ERI1: variants seen among roughly 807,000 people sequenced by gnomAD.
The protein encoded by ERI1 is exoribonuclease 1.
In ERI1, 39 loss-of-function variants were observed where a neutral mutation model predicts 39.7. That is an observed-to-expected ratio of 0.98 (90% CI 0.76 to 1.28). The LOEUF is 1.28. Among genes scored for constraint, ERI1 ranks in the 50% most tolerant of loss-of-function variants. The pLI, the probability that ERI1 is intolerant of heterozygous loss-of-function variation, is 0.00. For missense variants in ERI1, 581 were observed against 416.9 expected, an observed-to-expected ratio of 1.39 and a Z score of -3.43; for synonymous variants, 204 against 149.6, an observed-to-expected ratio of 1.36 and a Z score of -2.65.
At chr8:9,035,117 T>A (rs891543714), downstream of ERI1, among the ~76,000 whole-genome samples, 4 of 152,212 alleles carry the variant, frequency 2.6e-5, no homozygotes, top group Non-Finnish European at 1.5e-5. Context: ...AGAAAGAAGC[T>A]GTCTCCATAA....
At chr8:9,042,004 G>T (rs962856054) in intron 3 of ERI1, among the ~76,000 whole-genome samples, 1 of 152,186 alleles carries the variant, frequency 6.6e-6, no homozygotes, top group Non-Finnish European at 1.5e-5. Context: ...AAAGTGCTGG[G>T]ATTATAGGCA....
chr8:9,095,966 T>C (rs1359263887), intron 3 of ERI1, among the ~76,000 whole-genome samples: 1 of 152,246 alleles, frequency 6.6e-6, no homozygotes, highest in Admixed American at 6.5e-5. Flanking sequence ...ATCTGGAATA[T>C]AGAAATCATA....
intron 3 of ERI1, among the ~76,000 whole-genome samples, chr8:9,086,424 C>A (rs1009962051): frequency 3.3e-5 from 5 of 152,230 alleles, no homozygotes; most frequent in South Asian, 4.1e-4. Context: ...GTGATGTGCA[C>A]ATGTAGTCCC....
intron 3 of ERI1, among the ~76,000 whole-genome samples, chr8:9,070,229 G>A (rs1799005293): frequency 1.3e-5 from 2 of 150,894 alleles, no homozygotes; most frequent in South Asian, 4.2e-4. Context: ...AGAGTGAGAC[G>A]CTGTCTCAAA....
chr8:9,029,771 A>C, intron 6 of ERI1, 21 bp from the exon 7 acceptor site: 1 of 1,613,710 alleles, frequency 6.2e-7, no homozygotes, highest in Non-Finnish European at 8.5e-7. Context: ...AGAATTATTT[A>C]CTAAGCTGTT....
chr8:9,099,207 A>C (rs1251503363), intron 3 of ERI1, among the ~76,000 whole-genome samples: 5 of 152,248 alleles, frequency 3.3e-5, no homozygotes, highest in African/African-American at 1.2e-4. Flanking sequence ...ATATCCATCC[A>C]ACCAACAAAG....
chr8:9,047,988 A>G (rs529496127), intron 3 of ERI1, among the ~76,000 whole-genome samples: 1 of 152,222 alleles, frequency 6.6e-6, no homozygotes, highest in Non-Finnish European at 1.5e-5. Flanking sequence ...TGAGGAAATG[A>G]AAGTCAACTC....
chr8:9,035,335 GGCTTCAAA>G (rs200524302), downstream of ERI1, among the ~76,000 whole-genome samples: 1,561 of 152,296 alleles, frequency 0.01, 41 homozygotes, highest in Admixed American at 0.06. Flanking sequence ...GTCAGTGCTT[GGCTTCAAA>G]GCTTCAAAGG....
chr8:9,064,245 GGGGGT>G (rs1798796234), intron 3 of ERI1, among the ~76,000 whole-genome samples: 1 of 1,566 alleles, frequency 6.4e-4, no homozygotes, highest in Non-Finnish European at 1.6e-3. Flanking sequence ...GGGGGGTTGG[GGGGGT>G]TTCTTGCCCC....
chr8:9,011,002 C>G (rs1427591021), intron 2 of ERI1, among the ~76,000 whole-genome samples: 1 of 152,136 alleles, frequency 6.6e-6, no homozygotes, highest in Non-Finnish European at 1.5e-5. Context: ...AAGTAGCCAA[C>G]AGACATTCAC....
chr8:9,088,033 A>G (rs561814209), intron 3 of ERI1, among the ~76,000 whole-genome samples: 2 of 152,300 alleles, frequency 1.3e-5, no homozygotes, highest in African/African-American at 4.8e-5. Context: ...ACAGAGCTAC[A>G]TGTGTGACTC....
Position 9,018,249 on chromosome 8 carries a change from G to A in ERI1, c.583-48G>A, listed in dbSNP as rs180956781. On this transcript the variant is annotated intron_variant, in intron 4 of 6. Coordinates refer to ENST00000250263, the MANE Select transcript of ERI1 (RefSeq NM_153332.4). ...AGGTCTGGGTATTTTGTAGGTCTAC[G>A]TGAAGCTGCAGCCCTGATTTTTGTA... 2.4e-5 allele frequency: 27 copies of A among 1,104,248 alleles called. No individual in the cohort carries two copies. The East Asian group carries it at 5.0e-4, about 20-fold the overall frequency. 68.4% of individuals were successfully genotyped at this position (1,104,248 alleles called of 1,614,324 possible). A position where few individuals can be genotyped will look rare whatever the true frequency, so the allele number is the denominator to read the frequency against.
Position 9,068,940 on chromosome 8 carries a change from C to T in ERI1, n.300-47408C>T, listed in dbSNP as rs190728241. Among the ~76,000 whole-genome samples the T allele has an allele frequency of 2.4e-3, 360 of 152,258 alleles. 4 individuals carry two copies. Among genetic ancestry groups the T allele is most frequent in the African/African-American group, 7.3e-3 (302 of 41,546 alleles). On this transcript the variant is annotated intron_variant and non_coding_transcript_variant, in intron 3 of 3. Transcript: ENST00000518663. ...CAAGCAATCCTCTTGCCTCAGCCCT[C>T]CCTAGTAGCTGGGACTACAGGTGTG...
chr8:9,022,127 T>C (rs1817975058), intron 6 of ERI1, among the ~76,000 whole-genome samples: 2 of 152,134 alleles, frequency 1.3e-5, no homozygotes, highest in African/African-American at 4.8e-5. Context: ...CTATGTGAGT[T>C]TATAGTTACT....
chr8:9,038,212 C>G (rs1342828786), downstream of ERI1, among the ~76,000 whole-genome samples: 1 of 152,138 alleles, frequency 6.6e-6, no homozygotes, highest in African/African-American at 2.4e-5. Context: ...TCTCCTGGAA[C>G]TTCTATTTTT....
intron 4 of ERI1, among the ~76,000 whole-genome samples, chr8:9,017,180 T>C (rs979815981): frequency 1.3e-5 from 2 of 152,096 alleles, no homozygotes; most frequent in Non-Finnish European, 2.9e-5. Flanking sequence ...GCTGAGACTA[T>C]AGGCACACAC....
downstream of ERI1, among the ~76,000 whole-genome samples, chr8:9,035,758 T>C (rs145620904): frequency 4.0e-3 from 604 of 152,356 alleles, 2 homozygotes; most frequent in Non-Finnish European, 6.6e-3. Flanking sequence ...CATAAGGCTG[T>C]AGTTAGCATA....
At chr8:9,024,805 G>A (rs1344197442) in intron 6 of ERI1, among the ~76,000 whole-genome samples, 1 of 152,084 alleles carries the variant, frequency 6.6e-6, no homozygotes. Context: ...TACACCTCTT[G>A]ACTGTAAAAT....
At chr8:9,063,443 G>A (rs1291724964) in intron 3 of ERI1, among the ~76,000 whole-genome samples, 1 of 152,174 alleles carries the variant, frequency 6.6e-6, no homozygotes, top group Non-Finnish European at 1.5e-5. Flanking sequence ...GACCGGGTGT[G>A]AGGAGGGGAG....
Sources: gnomAD v4.1 joint callset for allele counts (sites outside exome capture counted in the v4.1 genomes callset) on GRCh38, gnomAD v4.1.1 for gene constraint, MANE v1.5 for transcripts, NCBI Gene and HGNC (gene_info 2026-07-23, HGNC 2026-07-21) for gene names.